PIWIL3: variants seen among roughly 807,000 people sequenced by gnomAD.
PIWIL3 encodes piwi-like protein 3.
PIWIL3 carries 101 observed loss-of-function variants against 109.7 expected under a neutral mutation model. That is an observed-to-expected ratio of 0.92 (90% confidence interval 0.78 to 1.09). The LOEUF is 1.09. PIWIL3 is among the 50% of genes least tolerant of loss of function. The pLI is 0.00. For synonymous variants in PIWIL3, 373 were observed against 376.4 expected, an observed-to-expected ratio of 0.99 and a Z score of 0.10; for missense variants, 1,031 against 1,072.6, an observed-to-expected ratio of 0.96 and a Z score of 0.54.
chr22:24,727,928 A>C (rs1278575195), intron 16 of PIWIL3, 22 bp downstream of exon 16: 1 of 1,571,228 alleles, frequency 6.4e-7, no homozygotes, highest in Non-Finnish European at 8.7e-7. Context: ...CTAACTAAAC[A>C]TGTCTACCAG....
chr22:24,734,189 G>C (rs201612359), intron 13 of PIWIL3, 33 bp from the exon 14 acceptor site: 1 of 1,595,632 alleles, frequency 6.3e-7, no homozygotes, highest in Non-Finnish European at 8.5e-7. Flanking sequence ...ACATCCAAAA[G>C]ATACCAACCA....
At chr22:24,757,336 G>A (rs1925110554) in intron 4 of PIWIL3, among the ~76,000 whole-genome samples, 1 of 152,106 alleles carries the variant, frequency 6.6e-6, no homozygotes, top group Admixed American at 6.6e-5. Context: ...GCAGGCCAGG[G>A]CACAGTGGCT....
chr22:24,747,859 G>T (rs371353885), intron 12 of PIWIL3, among the ~76,000 whole-genome samples: 1 of 152,154 alleles, frequency 6.6e-6, no homozygotes, highest in African/African-American at 2.4e-5. Context: ...TAACCACTAT[G>T]GAGAACAGTT....
At chr22:24,725,666 CTT>C (rs745595686) in intron 16 of PIWIL3, 151 bp from the exon 17 acceptor site, 2 of 767,192 alleles carry the variant, frequency 2.6e-6, no homozygotes, top group Admixed American at 2.9e-5. Context: ...GTATTGGTCT[CTT>C]TTGATATCTT....
intron 2 of PIWIL3, among the ~76,000 whole-genome samples, chr22:24,760,556 G>C (rs1431129020): frequency 1.3e-5 from 2 of 151,870 alleles, no homozygotes; most frequent in Non-Finnish European, 2.9e-5. Context: ...GGGAGGCCGA[G>C]GCAGCCAGAT....
At chr22:24,741,773 C>T (rs1275436684) in intron 12 of PIWIL3, among the ~76,000 whole-genome samples, 5 of 151,912 alleles carry the variant, frequency 3.3e-5, no homozygotes, top group East Asian at 3.9e-4. Context: ...ATTAGATAAC[C>T]CAATGATCAT....
In PIWIL3 at chr22:24,737,336, G is replaced by T. The variant is rs183503077; in HGVS notation, c.1450-1444C>A. On this transcript the variant is annotated intron_variant, in intron 12 of 20. Coordinates refer to ENST00000616349, the MANE Select transcript of PIWIL3 (RefSeq NM_001255975.1). Reference sequence around the variant, plus strand: ...TAGATGACATTTCTAGACATACCCTGGGCCAGAAGGGAAACCTGTTGCTTT... The same window carrying T: ...TAGATGACATTTCTAGACATACCCTTGGCCAGAAGGGAAACCTGTTGCTTT... Among the ~76,000 whole-genome samples, 5 of 152,234 alleles carry T rather than the reference G, an allele frequency of 3.3e-5. No individual in the cohort carries two copies. The East Asian group carries it at 9.6e-4, about 29-fold the overall frequency.
At chr22:24,738,831 A>G (rs1311660201) in intron 12 of PIWIL3, among the ~76,000 whole-genome samples, 1 of 152,126 alleles carries the variant, frequency 6.6e-6, no homozygotes, top group East Asian at 1.9e-4. Context: ...AACTTCCCCA[A>G]GCATCAAGAC....
At chr22:24,753,326 G>C (rs1924820052) in intron 8 of PIWIL3, among the ~76,000 whole-genome samples, 1 of 152,208 alleles carries the variant, frequency 6.6e-6, no homozygotes, top group Non-Finnish European at 1.5e-5. Context: ...CTGGAATTGT[G>C]TGAATTGCAT....
At chr22:24,721,619 T>C (rs1304053129) in intron 19 of PIWIL3, among the ~76,000 whole-genome samples, 1 of 152,246 alleles carries the variant, frequency 6.6e-6, no homozygotes, top group African/African-American at 2.4e-5. Flanking sequence ...CAGTTAACAA[T>C]TTGTTTTCTT....
At chr22:24,756,357 CACA>C in intron 5 of PIWIL3, 131 bp downstream of exon 5, 1 of 805,084 alleles carries the variant, frequency 1.2e-6, no homozygotes, top group South Asian at 1.9e-5. Flanking sequence ...ACATAGGTTT[CACA>C]ACAAGTCATA....
chr22:24,724,866 A>G, intron 18 of PIWIL3, 21 bp downstream of exon 18: 2 of 1,607,742 alleles, frequency 1.2e-6, no homozygotes, highest in Middle Eastern at 1.7e-4. Context: ...GTCACTACAC[A>G]TTACAATTAA....
rs1381953452 is a variant in PIWIL3 at position 24,774,427 on chromosome 22, A to G, written c.-128T>C. ...GCCGGCCACTTCCACAGATGGAAAAATAATTCAGGACAAGCCACTGGAGGG... is the reference window on the plus strand; with the variant it reads ...GCCGGCCACTTCCACAGATGGAAAAGTAATTCAGGACAAGCCACTGGAGGG... On this transcript the variant is annotated 5_prime_UTR_variant, in exon 1 of 21. Transcript: ENST00000616349. 1.3e-5 allele frequency: 2 copies of G among 152,232 alleles called. No individual in the cohort carries two copies. The highest frequency in any genetic ancestry group is 4.8e-5 in the African/African-American group (2 of 41,424). The allele number at this position is 152,232 out of a possible 1,614,324, so 9.4% of individuals were successfully genotyped here.
chr22:24,733,496 G>A (rs1923475751), intron 14 of PIWIL3, among the ~76,000 whole-genome samples: 1 of 152,044 alleles, frequency 6.6e-6, no homozygotes, highest in African/African-American at 2.4e-5. Flanking sequence ...TTCGAGACCA[G>A]TCTGGCCAAC....
intron 16 of PIWIL3, among the ~76,000 whole-genome samples, chr22:24,726,333 A>T (rs1252333907): frequency 1.3e-5 from 2 of 149,206 alleles, no homozygotes; most frequent in Admixed American, 6.7e-5. Flanking sequence ...CCCAGGCTGG[A>T]GTGCAGTGGC....
At chr22:24,770,126 A>G (rs977868782) in intron 1 of PIWIL3, among the ~76,000 whole-genome samples, 6 of 152,222 alleles carry the variant, frequency 3.9e-5, no homozygotes, top group Non-Finnish European at 8.8e-5. Flanking sequence ...TATGTAGATC[A>G]AAGCATTTCA....
intron 19 of PIWIL3, among the ~76,000 whole-genome samples, chr22:24,720,544 T>A (rs1380138778): frequency 6.6e-6 from 1 of 152,192 alleles, no homozygotes; most frequent in Non-Finnish European, 1.5e-5. Flanking sequence ...GTGCTGGGAT[T>A]ACAGGCATGA....
intron 1 of PIWIL3, among the ~76,000 whole-genome samples, chr22:24,766,042 GAA>G (rs71189280): frequency 7.0e-6 from 1 of 143,580 alleles, no homozygotes; most frequent in Non-Finnish European, 1.5e-5. Flanking sequence ...CAACTTAATG[GAA>G]AAAAAAAAAA....
chr22:24,755,857 T>C lies in PIWIL3; in HGVS notation c.619A>G (p.Thr207Ala), dbSNP rs1468384604. ...TTKDKNIVKI[T>A]VEFSKELTPT... ...GTGAGTTCTTTGGAAAACTCAACTGTAATCTTCACGATGTTTTTGTCTTTG... is the reference window on the plus strand; with the variant it reads ...GTGAGTTCTTTGGAAAACTCAACTGCAATCTTCACGATGTTTTTGTCTTTG... The change falls in exon 6 of 21, where the codon ACA becomes GCA. Residue 207 changes from threonine (T) to alanine (A), a missense_variant. Coordinates refer to ENST00000616349, the MANE Select transcript of PIWIL3 (RefSeq NM_001255975.1). 1.2e-6 allele frequency: 2 copies of C among 1,613,920 alleles called. No individual in the cohort carries two copies. Among genetic ancestry groups the C allele is most frequent in the Non-Finnish European group, 1.7e-6 (2 of 1,179,870 alleles).
Sources: gnomAD v4.1 joint callset for allele counts (sites outside exome capture counted in the v4.1 genomes callset) on GRCh38, gnomAD v4.1.1 for gene constraint, MANE v1.5 for transcripts, NCBI Gene and HGNC (gene_info 2026-07-23, HGNC 2026-07-21) for gene names.